Variants in AGAP3 observed in about 807,000 individuals in gnomAD.
The protein encoded by AGAP3 is ArfGAP with GTPase domain, ankyrin repeat and PH domain 3, also known as arf-GAP with GTPase, ANK repeat and PH domain-containing protein 3.
A neutral mutation model predicts 96.9 loss-of-function variants in AGAP3; 24 were observed. That is an observed-to-expected ratio of 0.25 (90% CI 0.18 to 0.35). The LOEUF (loss-of-function observed/expected upper bound fraction) is 0.35, where lower values mean the gene tolerates loss of function less well. Ranked by LOEUF, AGAP3 falls within the 10% of genes least tolerant of loss-of-function variation. The probability of loss-of-function intolerance (pLI) is 1.00; values close to 1 mark genes in which losing one functional copy is unlikely to be tolerated. For missense variants in AGAP3, 876 were observed against 1,254.2 expected (o/e 0.70, Z 4.55); for synonymous variants, 563 against 536.1 (o/e 1.05, Z -0.69).
chr7:151,117,281 T>C (rs988589510), intron 3 of AGAP3, 90 bp from the exon 4 acceptor site: 6 of 1,595,072 alleles, frequency 3.8e-6, no homozygotes, highest in South Asian at 1.1e-5. Flanking sequence ...CTTCCAGTCC[T>C]CTTCCCTCCC....
At chr7:151,123,542 C>T (rs909715904) in intron 8 of AGAP3, 4 of 1,318,102 alleles carry the variant, frequency 3.0e-6, no homozygotes, top group Non-Finnish European at 3.9e-6. Flanking sequence ...CGCCCTCGGC[C>T]TCTCTGTCCT....
rs1302137806 is a variant in AGAP3 at position 151,116,903 on chromosome 7, C to A, written c.390+52C>A. 1.9e-6 allele frequency: 3 copies of A among 1,608,018 alleles called. No individual in the cohort carries two copies. The South Asian group carries it at 3.3e-5, about 18-fold the overall frequency. ...GCGGCCTGGAGCTGGGGGGGCGAGG[C>A]TGGGTGCCGCGGGCCTGGGCCTTGC... On this transcript the variant is annotated intron_variant, in intron 2 of 17. Transcript: ENST00000397238.
rs1404394276 is a variant in AGAP3 at position 151,108,625 on chromosome 7, C to T, written c.332-8168C>T. Among the ~76,000 whole-genome samples the T allele has an allele frequency of 1.3e-5, 2 of 152,224 alleles. No individual in the cohort carries two copies. The highest frequency in any genetic ancestry group is 2.9e-5 in the Non-Finnish European group (2 of 68,030). On this transcript the variant is annotated intron_variant, in intron 1 of 17. Transcript: ENST00000397238. This position sits in a 1 kb window ranked among gnomAD's most constrained non-coding sequence, Gnocchi z 4.2. ...CTGGGTCCTACGCCAGTCCAGACTG[C>T]CAGCCGCGTCACCTTGAGGCAGGGT...
At chr7:151,130,597 C>T (rs1035776396) in intron 10 of AGAP3, among the ~76,000 whole-genome samples, 14 of 152,102 alleles carry the variant, frequency 9.2e-5, no homozygotes, top group South Asian at 2.1e-4. Context: ...CCAGGAGTGC[C>T]CCTCCATGCC....
Position 151,123,819 on chromosome 7 carries a change from G to A in AGAP3, c.1154G>A (p.Arg385Gln), listed in dbSNP as rs747673769. The change falls in exon 9 of 18, where the codon CGG (arginine) becomes CAG (glutamine). Residue 385 changes from arginine (R) to glutamine (Q), a missense_variant. Coordinates refer to ENST00000397238, the MANE Select transcript of AGAP3 (RefSeq NM_031946.7). ...TCTCGGAAGGGTGCTGACCTGGACC[G>A]GGAGAAGAAGGCTGCCGAGTGCAAG... ...FTSRKGADLD[R>Q]EKKAAECKVD... is the part of the protein sequence containing the mutation. 2 of 1,612,742 alleles carry A rather than the reference G, an allele frequency of 1.2e-6. No homozygotes were observed. The highest frequency in any genetic ancestry group is 1.7e-6 in the Non-Finnish European group (2 of 1,179,960).
rs1156554844 is a variant in AGAP3 at position 151,105,783 on chromosome 7, C to G, written c.332-11010C>G. 5.4e-5 allele frequency among the ~76,000 whole-genome samples: 3 copies of G among 55,430 alleles called. 1 individual carries two copies. The highest frequency in any genetic ancestry group is 1.0e-4 in the Non-Finnish European group (3 of 28,678). The allele number at this position is 55,430 out of a possible 152,430, so 36.4% of individuals were successfully genotyped here. On this transcript the variant is annotated intron_variant, in intron 1 of 17. Coordinates refer to ENST00000397238, the MANE Select transcript of AGAP3 (RefSeq NM_031946.7). Reference sequence around the variant, plus strand: ...CTCCAACCCCTCCATTCCGCCCCCCCCCCCGACACCACACACACACACACA... The same window carrying G: ...CTCCAACCCCTCCATTCCGCCCCCCGCCCCGACACCACACACACACACACA...
chr7:151,122,580 C>G, intron 8 of AGAP3: 2 of 898,902 alleles, frequency 2.2e-6, no homozygotes, highest in Admixed American at 2.5e-5. Context: ...TCCTCTTCCT[C>G]GTCCTTCTCC....
At chr7:151,120,886 T>C in intron 8 of AGAP3, 5 of 1,115,122 alleles carry the variant, frequency 4.5e-6, no homozygotes, top group Non-Finnish European at 5.6e-6. Context: ...ACTCCCAATG[T>C]GCGACACACA....
rs555162311 is a variant in AGAP3, at chr7:151,122,123, C to T, written c.1129-1671C>T. Reference sequence around the variant, plus strand: ...ACAATCTGGCTGGGGTGGGCTGCACCCCACTCCCCCCAAACCGGCTCTTCT... The same window carrying T: ...ACAATCTGGCTGGGGTGGGCTGCACTCCACTCCCCCCAAACCGGCTCTTCT... On this transcript the variant is annotated intron_variant, in intron 8 of 17. Coordinates refer to ENST00000397238, the MANE Select transcript of AGAP3 (RefSeq NM_031946.7). Among the ~76,000 whole-genome samples, 9 of 152,298 alleles carry T rather than the reference C, an allele frequency of 5.9e-5. No homozygotes were observed. The East Asian group carries it at 9.7e-4, about 16-fold the overall frequency.
intron 1 of AGAP3, 190 bp from the exon 2 acceptor site, chr7:151,116,603 C>G: frequency 1.6e-6 from 1 of 640,582 alleles, no homozygotes; most frequent in Non-Finnish European, 2.8e-6. Flanking sequence ...CATCCTTACT[C>G]TGCTTCACTC....
chr7:151,095,203 A>G (rs905489657), intron 1 of AGAP3, among the ~76,000 whole-genome samples: 1 of 152,194 alleles, frequency 6.6e-6, no homozygotes, highest in African/African-American at 2.4e-5. Context: ...TCTACAACGT[A>G]CATTTCTCTG....
At position 151,128,566 on chromosome 7, in the gene AGAP3, A is replaced by C. The variant is rs770845133; in HGVS notation, c.1222-14A>C. 2.3e-5 allele frequency: 37 copies of C among 1,612,154 alleles called. No individual in the cohort carries two copies. The highest frequency in any genetic ancestry group is 3.0e-5 in the Non-Finnish European group (35 of 1,178,918). On this transcript the variant is annotated splice_polypyrimidine_tract_variant and intron_variant, in intron 9 of 17. Transcript: ENST00000397238. ...GGGCTGGCTCCTGGTTTCTGATCAG[A>C]CCTCTGTTCTCAGGGGATCCTGCTA...
rs930973020 is a variant in AGAP3, at chr7:151,130,049, C to T, written c.1326+1365C>T. 2.6e-5 allele frequency among the ~76,000 whole-genome samples: 4 copies of T among 152,334 alleles called. No individual in the cohort carries two copies. The South Asian group carries it at 6.2e-4, about 24-fold the overall frequency. ...CACGGCCGACACCAGGCAGCTTAGC[C>T]GTGCCCTCTGCTCATGTCCAGCTGC... On this transcript the variant is annotated intron_variant, in intron 10 of 17. Transcript: ENST00000397238.
chr7:151,123,518 G>C (rs890440357), intron 8 of AGAP3: 57 of 1,257,990 alleles, frequency 4.5e-5, no homozygotes, highest in Non-Finnish European at 5.1e-5. Flanking sequence ...CCCCCGCCCC[G>C]GGCGTGCTCC....
intron 1 of AGAP3, chr7:151,090,085 G>A (rs998288854): frequency 6.6e-6 from 1 of 152,258 alleles, no homozygotes; most frequent in Non-Finnish European, 1.5e-5. Context: ...TGGAGCGCAG[G>A]ATGTTGTACC....
At chr7:151,103,051 C>T (rs1798898471) in intron 1 of AGAP3, among the ~76,000 whole-genome samples, 1 of 152,214 alleles carries the variant, frequency 6.6e-6, no homozygotes, top group Non-Finnish European at 1.5e-5. Context: ...AAGACCTTGC[C>T]TCTGAAAAAA....
At position 151,142,952 on chromosome 7, in the gene AGAP3, G is replaced by T. The variant is rs1800878097; in HGVS notation, c.2273+318G>T. 6.6e-6 allele frequency among the ~76,000 whole-genome samples: 1 copy of T among 152,202 alleles called. No individual in the cohort carries two copies. Among genetic ancestry groups the T allele is most frequent in the African/African-American group, 2.4e-5 (1 of 41,446 alleles). ...TGGGGAGAATGGGTGAGAGATAGGG[G>T]AGTGTGTGGCCCCCCAGTGCAGGCC... On this transcript the variant is annotated intron_variant, in intron 16 of 17. Transcript: ENST00000397238. The surrounding 1 kb of genome is among the most constrained non-coding windows in gnomAD (Gnocchi z 7.5).
At chr7:151,130,973 CAAACCCT>C (rs2150514485) in intron 10 of AGAP3, 1 of 152,486 alleles carries the variant, frequency 6.6e-6, no homozygotes, top group Admixed American at 6.5e-5. Context: ...TGGGGCTCTT[CAAACCCT>C]AAACCCTGGC....
Position 151,144,171 on chromosome 7 carries a change from AG to A in AGAP3, c.*231del. The A allele has an allele frequency of 1.7e-6, 1 of 592,824 alleles. No individual in the cohort carries two copies. The allele number at this position is 592,824 out of a possible 1,614,324, so 36.7% of individuals were successfully genotyped here. A position where few individuals can be genotyped will look rare whatever the true frequency, so the allele number is the denominator to read the frequency against. On this transcript the variant is annotated 3_prime_UTR_variant, in exon 18 of 18. Transcript: ENST00000397238. The stretch of plus-strand genomic sequence containing the variant: ...CCTCTGCCCTAAGGTGCCATTGAAA[AG>A]GGACAGGACCCTTCGGAGGTGCCTG...
Sources: allele counts gnomAD v4.1 joint callset (sites outside exome capture counted in the v4.1 genomes callset), GRCh38; gene constraint gnomAD v4.1.1; non-coding constraint Gnocchi (gnomAD v3.1); transcripts MANE v1.5; gene names NCBI Gene and HGNC (gene_info 2026-07-23, HGNC 2026-07-21).